Variants in GJB4 observed in about 807,000 individuals in gnomAD.
GJB4 encodes gap junction beta-4 protein.
For missense variants in GJB4, 371 were observed against 363.8 expected (o/e 1.02, Z -0.16); for synonymous variants, 162 against 158.1 (o/e 1.02, Z -0.18).
Position 34,761,557 on chromosome 1 carries a change from C to G in GJB4, c.303C>G (p.Arg101=), listed in dbSNP as rs138184343. Residue 101 remains arginine (R), a synonymous_variant, in exon 2 of 2, where the codon CGC becomes CGG. Transcript: ENST00000339480. The surrounding 1 kb of genome is among the most constrained non-coding windows in gnomAD (Gnocchi z 4.4). ...TGCACGTGGCCTACCGCGAGGAACG[C>G]GAGCGCAAGCACCACCTGAAACACG... ...VVMHVAYREE[R]ERKHHLKHGP... 1,127 of 1,614,232 alleles carry G rather than the reference C, an allele frequency of 7.0e-4. 8 individuals are homozygous for G. The African/African-American group carries it at 0.014, about 20-fold the overall frequency.
intron 1 of GJB4, among the ~76,000 whole-genome samples, chr1:34,760,272 C>T (rs1418154215): frequency 6.6e-6 from 1 of 151,552 alleles, no homozygotes; most frequent in Non-Finnish European, 1.5e-5. Context: ...GAGGGTTGGA[C>T]ATGGGGCCTG....
At position 34,762,211 on chromosome 1, in the gene GJB4, G is replaced by T; in HGVS notation, c.*156G>T. On this transcript the variant is annotated 3_prime_UTR_variant, in exon 2 of 2. Coordinates refer to ENST00000339480, the MANE Select transcript of GJB4 (RefSeq NM_153212.3). Reference sequence around the variant, plus strand: ...GCCCAGGGGCCAATGTGGGAGGTTGGGGGTAGTTTGGTCCCTGGGTCCTGA... The same window carrying T: ...GCCCAGGGGCCAATGTGGGAGGTTGTGGGTAGTTTGGTCCCTGGGTCCTGA... 1.3e-6 allele frequency: 1 copy of T among 748,068 alleles called. No individual in the cohort carries two copies. The highest frequency in any genetic ancestry group is 2.3e-6 in the Non-Finnish European group (1 of 426,734). 46.3% of individuals were successfully genotyped at this position (748,068 alleles called of 1,614,324 possible). A position where few individuals can be genotyped will look rare whatever the true frequency, so the allele number is the denominator to read the frequency against.
Position 34,761,367 on chromosome 1 carries a change from T to A in GJB4, c.113T>A (p.Val38Glu). The A allele has an allele frequency of 6.2e-7, 1 of 1,614,006 alleles. No individual in the cohort carries two copies. Among genetic ancestry groups the A allele is most frequent in the Non-Finnish European group, 8.5e-7 (1 of 1,179,874 alleles). The change falls in exon 2 of 2, where the codon GTG becomes GAG. Residue 38 changes from valine (V) to glutamate (E), a missense_variant. Val to Glu is a moderately radical substitution (Grantham distance 121). Coordinates refer to ENST00000339480, the MANE Select transcript of GJB4 (RefSeq NM_153212.3). This position sits in a 1 kb window ranked among gnomAD's most constrained non-coding sequence, Gnocchi z 4.4. ...VFIFRVLVYV[V>E]AAEEVWDDEQ... is the part of the protein sequence containing the mutation. ...ATCTTTCGTGTGCTGGTGTACGTGG[T>A]GGCAGCGGAGGAGGTGTGGGACGAT...
intron 1 of GJB4, 64 bp from the exon 2 acceptor site, chr1:34,760,869 A>G: frequency 3.0e-6 from 1 of 335,010 alleles, no homozygotes; most frequent in East Asian, 7.5e-5. Context: ...AACTTGGGGT[A>G]ATAGAGGTTG....
rs149649377 is a variant in GJB4 at position 34,761,527 on chromosome 1, G to C, written c.273G>C (p.Val91=). 6.2e-7 allele frequency: 1 copy of C among 1,614,060 alleles called. No homozygotes were observed. The highest frequency in any genetic ancestry group is 8.5e-7 in the Non-Finnish European group (1 of 1,180,028). ...LILVTCPSLL[V]VMHVAYREER... ...TGGTCACGTGCCCCTCACTGCTCGT[G>C]GTCATGCACGTGGCCTACCGCGAGG... Residue 91 remains valine, a synonymous_variant, in exon 2 of 2, where the codon GTG becomes GTC. Transcript: ENST00000339480. The surrounding 1 kb of genome is among the most constrained non-coding windows in gnomAD (Gnocchi z 4.4).
intron 1 of GJB4, among the ~76,000 whole-genome samples, chr1:34,760,096 G>T (rs1557651623): frequency 6.6e-6 from 1 of 152,226 alleles, no homozygotes; most frequent in Non-Finnish European, 1.5e-5. Flanking sequence ...TGAAGAGCCT[G>T]CCCTCTAGCA....
In GJB4 at chr1:34,761,879, G is replaced by A. The variant is rs753414684; in HGVS notation, c.625G>A (p.Val209Met). The A allele has an allele frequency of 6.2e-7, 1 of 1,614,188 alleles. No individual in the cohort carries two copies. The highest frequency in any genetic ancestry group is 8.5e-7 in the Non-Finnish European group (1 of 1,180,030). Residue 209 changes from valine (V) to methionine (M), a missense_variant, in exon 2 of 2, where the codon GTG becomes ATG. Val to Met is a conservative substitution (Grantham distance 21). Transcript: ENST00000339480. This position sits in a 1 kb window ranked among gnomAD's most constrained non-coding sequence, Gnocchi z 4.4. ...CAACCTCAGTGAAGTCTTCTACCTG[G>A]TGGGCAAGAGGTGCATGGAGATCTT... ...LLNLSEVFYL[V>M]GKRCMEIFGP...
chr1:34,762,071 G>A lies in GJB4; in HGVS notation c.*16G>A, dbSNP rs765771714. On this transcript the variant is annotated 3_prime_UTR_variant, in exon 2 of 2. Coordinates refer to ENST00000339480, the MANE Select transcript of GJB4 (RefSeq NM_153212.3). ...GTATCCATAACCTGCGAGATCAGCA[G>A]ATAAGATCAACAGGTCCCCCCCACA... 5 of 1,601,982 alleles carry A rather than the reference G, an allele frequency of 3.1e-6. No homozygotes were observed. The Admixed American group carries it at 5.2e-5, about 17-fold the overall frequency.
At chr1:34,760,024 TAACA>T (rs940342941) in intron 1 of GJB4, among the ~76,000 whole-genome samples, 1 of 152,202 alleles carries the variant, frequency 6.6e-6, no homozygotes, top group African/African-American at 2.4e-5. Context: ...CAGTTCAGTT[TAACA>T]AACATCTATT....
Position 34,761,271 on chromosome 1 carries a change from T to C in GJB4, c.17T>C (p.Leu6Pro). Residue 6 changes from leucine (L) to proline (P), a missense_variant, in exon 2 of 2, where the codon CTG becomes CCG. Transcript: ENST00000339480. The surrounding 1 kb of genome is among the most constrained non-coding windows in gnomAD (Gnocchi z 4.4). MNWAFLQGLLSGVNKY... is the reference protein window; with the variant it reads MNWAFPQGLLSGVNKY... Reference sequence around the variant, plus strand: ...ACAGCCAGCATGAACTGGGCATTTCTGCAGGGCCTGCTGAGTGGCGTGAAC... The same window carrying C: ...ACAGCCAGCATGAACTGGGCATTTCCGCAGGGCCTGCTGAGTGGCGTGAAC... The C allele has an allele frequency of 6.2e-7, 1 of 1,614,214 alleles. No homozygotes were observed. Among genetic ancestry groups the C allele is most frequent in the Non-Finnish European group, 8.5e-7 (1 of 1,180,040 alleles).
Position 34,761,921 on chromosome 1 carries a change from C to T in GJB4, c.667C>T (p.Arg223Trp), listed in dbSNP as rs200936960. 6.9e-5 allele frequency: 112 copies of T among 1,614,166 alleles called. No homozygotes were observed. Among genetic ancestry groups the T allele is most frequent in the Middle Eastern group, 1.6e-4 (1 of 6,062 alleles). ...GGAGATCTTCGGCCCCAGGCACCGG[C>T]GGCCTCGGTGCCGGGAATGCCTACC... ...CMEIFGPRHRRPRCRECLPDT... is the reference protein window; with the variant it reads ...CMEIFGPRHRWPRCRECLPDT... Residue 223 changes from arginine (R) to tryptophan (W), a missense_variant, in exon 2 of 2, where the codon CGG (arginine) becomes TGG (tryptophan). By Grantham distance (101) the Arg-to-Trp change is moderately radical. Transcript: ENST00000339480. The surrounding 1 kb of genome is among the most constrained non-coding windows in gnomAD (Gnocchi z 4.4).
At position 34,761,689 on chromosome 1, in the gene GJB4, C is replaced by T. The variant is rs762708249; in HGVS notation, c.435C>T (p.Phe145=). 67 of 1,614,060 alleles carry T rather than the reference C, an allele frequency of 4.2e-5. No homozygotes were observed. Among genetic ancestry groups the T allele is most frequent in the Admixed American group, 1.3e-4 (8 of 60,012 alleles). The part of the protein sequence containing the change: ...LIFKAAVDAG[F]LYIFHRLYKD... ...TCAAGGCCGCCGTGGATGCTGGCTT[C>T]CTCTATATCTTCCACCGCCTCTACA... The change falls in exon 2 of 2, where the codon TTC becomes TTT. Residue 145 remains phenylalanine, a synonymous_variant. Transcript: ENST00000339480. The surrounding 1 kb of genome is among the most constrained non-coding windows in gnomAD (Gnocchi z 4.4).
chr1:34,761,766 A>G lies in GJB4; in HGVS notation c.512A>G (p.His171Arg), dbSNP rs537606599. ...GCCTGCTCCGTGGAGCCTTGCCCCC[A>G]CACTGTGGACTGTTACATCTCCCGG... The part of the protein sequence containing the change: ...VVACSVEPCP[H>R]TVDCYISRPT... The change falls in exon 2 of 2, where the codon CAC (histidine) becomes CGC (arginine). Residue 171 changes from histidine (H) to arginine (R), a missense_variant. By Grantham distance (29) the His-to-Arg change is conservative. Transcript: ENST00000339480. The surrounding 1 kb of genome is among the most constrained non-coding windows in gnomAD (Gnocchi z 4.4). 2.5e-6 allele frequency: 4 copies of G among 1,614,046 alleles called. No individual in the cohort carries two copies. In the South Asian group the frequency reaches 3.3e-5, roughly 13 times the overall value.
rs530865967 is a variant in GJB4 at position 34,761,572 on chromosome 1, C to T, written c.318C>T (p.His106=). 8.7e-6 allele frequency: 14 copies of T among 1,614,238 alleles called. No individual in the cohort carries two copies. Among genetic ancestry groups the T allele is most frequent in the Middle Eastern group, 1.6e-4 (1 of 6,062 alleles). Residue 106 remains histidine, a synonymous_variant, in exon 2 of 2, where the codon CAC becomes CAT. Transcript: ENST00000339480. The surrounding 1 kb of genome is among the most constrained non-coding windows in gnomAD (Gnocchi z 4.4). ...GCGAGGAACGCGAGCGCAAGCACCA[C>T]CTGAAACACGGGCCCAATGCCCCGT... ...AYREERERKH[H]LKHGPNAPSL... is the part of the protein sequence containing the mutation.
rs1033572727 is a variant in GJB4 at position 34,761,832 on chromosome 1, C to T, written c.578C>T (p.Thr193Ile). Reference sequence around the variant, plus strand: ...GTCTTCACCTACTTCATGGTGACCACAGCTGCCATCTGCATCCTGCTCAAC... The same window carrying T: ...GTCTTCACCTACTTCATGGTGACCATAGCTGCCATCTGCATCCTGCTCAAC... ...KKVFTYFMVT[T>I]AAICILLNLS... The change falls in exon 2 of 2, where the codon ACA becomes ATA. Residue 193 changes from threonine (T) to isoleucine (I), a missense_variant. Physicochemically the swap from Thr to Ile is moderately conservative, Grantham distance 89. Transcript: ENST00000339480. The surrounding 1 kb of genome is among the most constrained non-coding windows in gnomAD (Gnocchi z 4.4). The T allele has an allele frequency of 1.2e-6, 2 of 1,614,214 alleles. No individual in the cohort carries two copies. Among genetic ancestry groups the T allele is most frequent in the Non-Finnish European group, 1.7e-6 (2 of 1,180,042 alleles).
In GJB4 at chr1:34,760,915, G is replaced by A; in HGVS notation, c.-322-18G>A. 1 of 397,712 alleles carries A rather than the reference G, an allele frequency of 2.5e-6. No individual in the cohort carries two copies. 24.6% of individuals were successfully genotyped at this position (397,712 alleles called of 1,614,324 possible). On this transcript the variant is annotated intron_variant, in intron 1 of 1. Transcript: ENST00000339480. Reference sequence around the variant, plus strand: ...CCATGCAGGATGATTGTCTTCACATGTATCTATTACCTTGTAGAATAAGGT... The same window carrying A: ...CCATGCAGGATGATTGTCTTCACATATATCTATTACCTTGTAGAATAAGGT...
rs776604466 is a variant in GJB4, at chr1:34,761,229, C to G, written c.-26C>G. On this transcript the variant is annotated 5_prime_UTR_variant, in exon 2 of 2. Coordinates refer to ENST00000339480, the MANE Select transcript of GJB4 (RefSeq NM_153212.3). The surrounding 1 kb of genome is among the most constrained non-coding windows in gnomAD (Gnocchi z 4.4). Reference sequence around the variant, plus strand: ...GTAGCACCCAGGTATAGACCTTCCACGTGCAGCACCCAGGACACAGCCAGC... The same window carrying G: ...GTAGCACCCAGGTATAGACCTTCCAGGTGCAGCACCCAGGACACAGCCAGC... 2 of 1,613,098 alleles carry G rather than the reference C, an allele frequency of 1.2e-6. No homozygotes were observed. Among genetic ancestry groups the G allele is most frequent in the African/African-American group, 1.3e-5 (1 of 74,904 alleles).
At chr1:34,760,687 T>A (rs552311888) in intron 1 of GJB4, among the ~76,000 whole-genome samples, 2 of 152,248 alleles carry the variant, frequency 1.3e-5, no homozygotes, top group African/African-American at 4.8e-5. Flanking sequence ...GATGTGAACG[T>A]CCCCAACACG....
rs142132347 is a variant in GJB4 at position 34,761,122 on chromosome 1, A to G, written c.-133A>G. 1.7e-5 allele frequency: 13 copies of G among 786,176 alleles called. No individual in the cohort carries two copies. Among genetic ancestry groups the G allele is most frequent in the Non-Finnish European group, 2.6e-5 (12 of 456,754 alleles). The allele number at this position is 786,176 out of a possible 1,614,324, so 48.7% of individuals were successfully genotyped here. A position where few individuals can be genotyped will look rare whatever the true frequency, so the allele number is the denominator to read the frequency against. On this transcript the variant is annotated 5_prime_UTR_variant, in exon 2 of 2. Coordinates refer to ENST00000339480, the MANE Select transcript of GJB4 (RefSeq NM_153212.3). This position sits in a 1 kb window ranked among gnomAD's most constrained non-coding sequence, Gnocchi z 4.4. ...ATGATGACACGGTGATTGTGAAAAG[A>G]TTTTGTCAATCGCACCAGCATTAAG...
Sources: gnomAD v4.1 joint callset for allele counts (sites outside exome capture counted in the v4.1 genomes callset) on GRCh38, gnomAD v4.1.1 for gene constraint, Gnocchi (gnomAD v3.1) non-coding constraint, MANE v1.5 for transcripts, NCBI Gene and HGNC (gene_info 2026-07-23, HGNC 2026-07-21) for gene names.